The following ZNF385D variants were observed in gnomAD, a reference collection of about 807,000 sequenced individuals.
ZNF385D encodes the protein zinc finger protein 385D.
ZNF385D carries 15 observed loss-of-function variants against 35.8 expected under a neutral mutation model. The observed-to-expected ratio is 0.42, with a 90% confidence interval of 0.28 to 0.64. The LOEUF is 0.64. ZNF385D is among the 30% of genes least tolerant of loss of function. The probability of loss-of-function intolerance (pLI) is 0.23; values close to 1 mark genes in which losing one functional copy is unlikely to be tolerated. For synonymous variants in ZNF385D, 212 were observed against 186.8 expected (o/e 1.13, Z -1.10); for missense variants, 474 against 494.6 (o/e 0.96, Z 0.39).
chr3:21,803,721 T>C (rs1303126817), intron 3 of ZNF385D, among the ~76,000 whole-genome samples: 2 of 152,156 alleles, frequency 1.3e-5, no homozygotes, highest in African/African-American at 2.4e-5. Flanking sequence ...GTCTTCATCA[T>C]TGTTTAGGCT....
intron 3 of ZNF385D, among the ~76,000 whole-genome samples, chr3:22,166,027 C>A (rs946535034): frequency 1.3e-5 from 2 of 152,150 alleles, no homozygotes; most frequent in Non-Finnish European, 2.9e-5. Context: ...AGGATCTCCC[C>A]TAATTCCTAG....
chr3:22,106,884 G>A (rs1484563323), intron 3 of ZNF385D, among the ~76,000 whole-genome samples: 1 of 152,114 alleles, frequency 6.6e-6, no homozygotes, highest in Non-Finnish European at 1.5e-5. Flanking sequence ...TTCTTCATAA[G>A]AGTGGTCACC....
At chr3:21,878,577 C>T (rs1698106212) in intron 3 of ZNF385D, among the ~76,000 whole-genome samples, 2 of 151,878 alleles carry the variant, frequency 1.3e-5, no homozygotes, top group African/African-American at 4.8e-5. Flanking sequence ...CATAGTATTC[C>T]ACTACATGAC....
At chr3:21,433,153 T>C (rs919372356) in intron 5 of ZNF385D, among the ~76,000 whole-genome samples, 8 of 152,174 alleles carry the variant, frequency 5.3e-5, no homozygotes, top group African/African-American at 1.4e-4. Context: ...TTAACTCTTA[T>C]CACTTCTAGT....
intron 3 of ZNF385D, among the ~76,000 whole-genome samples, chr3:22,020,002 A>C (rs1697127034): frequency 6.6e-6 from 1 of 151,930 alleles, no homozygotes; most frequent in Admixed American, 6.6e-5. Flanking sequence ...ATGACTGCAT[A>C]AATGCTTTGT....
chr3:22,246,877 A>AT (rs1395471016), intron 2 of ZNF385D, among the ~76,000 whole-genome samples: 1 of 152,080 alleles, frequency 6.6e-6, no homozygotes, highest in African/African-American at 2.4e-5. Flanking sequence ...ATTCTCAATG[A>AT]TTTTTCAGAA....
chr3:21,853,381 A>C (rs1390087854), intron 3 of ZNF385D, among the ~76,000 whole-genome samples: 1 of 151,876 alleles, frequency 6.6e-6, no homozygotes, highest in African/African-American at 2.4e-5. Context: ...GATCAGAAAT[A>C]ATATGTTCAG....
rs867934857 is a variant in ZNF385D at position 21,618,142 on chromosome 3, A to T, written c.165+46744T>A. 3.2e-4 allele frequency among the ~76,000 whole-genome samples: 48 copies of T among 152,308 alleles called. No individual in the cohort carries two copies. In the Middle Eastern group the frequency reaches 0.014, roughly 43 times the overall value. ...AGAGTGTAAATTTTACTTTATTTGT[A>T]AAAAGGGTCTTTGTGATATAATTAG... On this transcript the variant is annotated intron_variant, in intron 2 of 7. Transcript: ENST00000281523.
At chr3:21,525,842 A>T (rs555769037) in intron 3 of ZNF385D, among the ~76,000 whole-genome samples, 3 of 152,278 alleles carry the variant, frequency 2.0e-5, no homozygotes, top group African/African-American at 7.2e-5. Context: ...CCTACATTTT[A>T]TGACAAATTG....
intron 2 of ZNF385D, among the ~76,000 whole-genome samples, chr3:22,321,164 G>GT: frequency 0.44 from 33,793 of 76,336 alleles, 6,757 homozygotes; most frequent in African/African-American, 0.48. Context: ...TTATGACCTT[G>GT]TTTTTTTTTT....
At chr3:22,224,336 C>T (rs1234221607) in intron 2 of ZNF385D, among the ~76,000 whole-genome samples, 1 of 152,040 alleles carries the variant, frequency 6.6e-6, no homozygotes, top group Non-Finnish European at 1.5e-5. Context: ...GCTTAGTGTG[C>T]CTCATAGATG....
At chr3:21,874,661 C>A (rs115767521) in intron 3 of ZNF385D, among the ~76,000 whole-genome samples, 2 of 152,056 alleles carry the variant, frequency 1.3e-5, no homozygotes, top group Non-Finnish European at 2.9e-5. Context: ...GTTTCAAAAT[C>A]AGGAAATGTG....
At chr3:22,104,336 G>T (rs535811474) in intron 3 of ZNF385D, among the ~76,000 whole-genome samples, 1 of 152,120 alleles carries the variant, frequency 6.6e-6, no homozygotes, top group Non-Finnish European at 1.5e-5. Flanking sequence ...TGAAAAAAAG[G>T]ATGACGTTTT....
chr3:22,265,509 C>A (rs1406615), intron 2 of ZNF385D, among the ~76,000 whole-genome samples: 20,021 of 151,890 alleles, frequency 0.13, 2,639 homozygotes, highest in African/African-American at 0.35. Context: ...CAGAGAAACG[C>A]AGTTGATTAC....
chr3:22,122,018 A>G (rs1281029313), intron 3 of ZNF385D, among the ~76,000 whole-genome samples: 1 of 152,168 alleles, frequency 6.6e-6, no homozygotes, highest in East Asian at 1.9e-4. Context: ...CATTACTGAG[A>G]TGACACCAGC....
intron 3 of ZNF385D, among the ~76,000 whole-genome samples, chr3:22,077,729 T>C (rs2593324): frequency 0.58 from 88,126 of 151,838 alleles, 25,950 homozygotes; most frequent in Middle Eastern, 0.64. Context: ...CAGTTGTAGC[T>C]GCCTACATAA....
Position 21,947,264 on chromosome 3 carries a change from T to A in ZNF385D, c.325+221553A>T, listed in dbSNP as rs559897909. ...AAATATATTTTGAGTTGCTTATATA[T>A]AAATATTGGCAAATTTATGGTACAG... On this transcript the variant is annotated intron_variant, in intron 3 of 5. Transcript: ENST00000494108. Among the ~76,000 whole-genome samples, 382 of 152,316 alleles carry A rather than the reference T, an allele frequency of 2.5e-3. 1 individual carries two copies. Among genetic ancestry groups the A allele is most frequent in the African/African-American group, 8.8e-3 (364 of 41,560 alleles).
chr3:21,762,916 A>T (rs901922629), intron 3 of ZNF385D, among the ~76,000 whole-genome samples: 1 of 152,106 alleles, frequency 6.6e-6, no homozygotes, highest in Non-Finnish European at 1.5e-5. Context: ...TCACAGCTCA[A>T]CTTCCTCTTC....
intron 1 of ZNF385D, among the ~76,000 whole-genome samples, chr3:21,716,114 A>G (rs2125431389): frequency 6.6e-6 from 1 of 152,126 alleles, no homozygotes; most frequent in Admixed American, 6.5e-5. Context: ...CTACTTCCCA[A>G]AGTACACATT....
Sources: gnomAD v4.1 joint callset for allele counts (sites outside exome capture counted in the v4.1 genomes callset) on GRCh38, gnomAD v4.1.1 for gene constraint, MANE v1.5 for transcripts, NCBI Gene and HGNC (gene_info 2026-07-23, HGNC 2026-07-21) for gene names.